SEMA3A: variants seen among roughly 807,000 people sequenced by gnomAD.
The protein encoded by SEMA3A is semaphorin 3A.
A neutral mutation model predicts 97.9 loss-of-function variants in SEMA3A; 29 were observed. The observed-to-expected ratio is 0.30, with a 90% CI of 0.22 to 0.40. The LOEUF (loss-of-function observed/expected upper bound fraction) is 0.40. Among genes scored for constraint, SEMA3A ranks in the 10% least tolerant of loss-of-function variants. The pLI, the probability that SEMA3A is intolerant of heterozygous loss-of-function variation, is 1.00. For synonymous variants in SEMA3A, 321 were observed against 323.7 expected (o/e 0.99, Z 0.09); for missense variants, 763 against 951.3 (o/e 0.80, Z 2.60).
chr7:84,180,631 T>C (rs561487623), intron 1 of SEMA3A, among the ~76,000 whole-genome samples: 7 of 152,180 alleles, frequency 4.6e-5, no homozygotes, highest in African/African-American at 1.7e-4. Context: ...GAAGTTGCAG[T>C]GAGCCAAGAT....
intron 1 of SEMA3A, among the ~76,000 whole-genome samples, chr7:84,376,808 T>C (rs965790129): frequency 6.6e-6 from 1 of 152,080 alleles, no homozygotes; most frequent in African/African-American, 2.4e-5. Flanking sequence ...TTTTGAGAAA[T>C]GTCAATTCAG....
At chr7:84,048,045 G>C (rs1792428285) in intron 5 of SEMA3A, among the ~76,000 whole-genome samples, 2 of 151,900 alleles carry the variant, frequency 1.3e-5, no homozygotes, top group Non-Finnish European at 2.9e-5. Flanking sequence ...ATCTTATCTT[G>C]AAAACTGAGT....
At chr7:84,455,741 A>G (rs927291059) in intron 1 of SEMA3A, among the ~76,000 whole-genome samples, 1 of 152,044 alleles carries the variant, frequency 6.6e-6, no homozygotes, top group Admixed American at 6.5e-5. Context: ...TCTTAAATTC[A>G]TAACTGTAAA....
intron 1 of SEMA3A, among the ~76,000 whole-genome samples, chr7:84,389,510 T>C (rs900775350): frequency 9.9e-5 from 15 of 152,088 alleles, no homozygotes; most frequent in Admixed American, 7.9e-4. Context: ...CTGAGTAGTG[T>C]AGTCCACGCT....
intron 12 of SEMA3A, among the ~76,000 whole-genome samples, chr7:84,000,527 C>T (rs969537385): frequency 4.6e-5 from 7 of 152,060 alleles, no homozygotes; most frequent in South Asian, 2.1e-4. Context: ...GCTAAGTACT[C>T]GTTACTGTCT....
chr7:84,066,151 C>G (rs1336861625), intron 4 of SEMA3A, among the ~76,000 whole-genome samples: 5 of 151,720 alleles, frequency 3.3e-5, no homozygotes, highest in South Asian at 2.1e-4. Context: ...AGCATATAAA[C>G]AGAGCCAAAG....
chr7:84,397,313 A>T (rs615880), intron 1 of SEMA3A, among the ~76,000 whole-genome samples: 17,359 of 151,166 alleles, frequency 0.11, 1,870 homozygotes, highest in African/African-American at 0.27. Context: ...ATTTTACTTA[A>T]AATTATCTTT....
intron 12 of SEMA3A, among the ~76,000 whole-genome samples, chr7:83,995,968 T>C (rs539735059): frequency 4.6e-5 from 7 of 152,340 alleles, no homozygotes; most frequent in Non-Finnish European, 8.8e-5. Flanking sequence ...CAGCTGTTCA[T>C]GGAATACTGC....
chr7:84,186,788 G>A (rs1009282262), intron 1 of SEMA3A, among the ~76,000 whole-genome samples: 1 of 151,008 alleles, frequency 6.6e-6, no homozygotes, highest in African/African-American at 2.4e-5. Context: ...AACGAACATT[G>A]TAAGTTCATT....
In SEMA3A at chr7:84,091,135, A is replaced by AGAAGGAAG. The variant is rs1272289412; in HGVS notation, c.453+19327_453+19334dup. Among the ~76,000 whole-genome samples, 23 of 50,976 alleles carry AGAAGGAAG rather than the reference A, an allele frequency of 4.5e-4. 1 individual carries two copies. The highest frequency in any genetic ancestry group is 1.2e-3 in the East Asian group (2 of 1,672). 33.4% of individuals were successfully genotyped at this position (50,976 alleles called of 152,430 possible). On this transcript the variant is annotated intron_variant, in intron 4 of 16. Transcript: ENST00000265362. ...GAAAGAAAGAAAAAGAAAGAAAGAAAGAAGGAAGGAAGGAAGGAAGGAAGG... is the reference window on the plus strand; with the variant it reads ...GAAAGAAAGAAAAAGAAAGAAAGAAAGAAGGAAGGAAGGAAGGAAGGAAGGAAGGAAGG...
intron 1 of SEMA3A, among the ~76,000 whole-genome samples, chr7:84,398,016 C>G (rs1403396235): frequency 6.6e-6 from 1 of 152,106 alleles, no homozygotes; most frequent in Non-Finnish European, 1.5e-5. Context: ...TGATTTATTT[C>G]TTATTTGATT....
At chr7:84,401,146 G>A (rs2116209704) in intron 1 of SEMA3A, among the ~76,000 whole-genome samples, 2 of 152,116 alleles carry the variant, frequency 1.3e-5, no homozygotes, top group South Asian at 4.2e-4. Context: ...AGACTGTTAT[G>A]GCTGATAAAT....
chr7:84,203,952 A>G (rs1798424028), intron 3 of SEMA3A, among the ~76,000 whole-genome samples: 2 of 152,124 alleles, frequency 1.3e-5, no homozygotes, highest in African/African-American at 2.4e-5. Context: ...ATAGTTCACA[A>G]AACAAAATAT....
chr7:84,059,817 T>A (rs1163034267), intron 5 of SEMA3A, among the ~76,000 whole-genome samples: 1 of 152,050 alleles, frequency 6.6e-6, no homozygotes, highest in Non-Finnish European at 1.5e-5. Context: ...ATAAAAAATT[T>A]AAAAATTGCT....
chr7:84,090,280 CA>C (rs1229214630), intron 4 of SEMA3A, among the ~76,000 whole-genome samples: 2 of 152,074 alleles, frequency 1.3e-5, no homozygotes, highest in Non-Finnish European at 2.9e-5. Context: ...TAGGAAAAAT[CA>C]GCATGTGTAT....
rs60380985 is a variant in SEMA3A at position 84,376,603 on chromosome 7, C to CAAAAA, written c.-245-4708_-245-4704dup. Reference sequence around the variant, plus strand: ...TGGGCGACAGAGCGAGACTCCGTCTCAAAAAAAAAAAAAAAAAAAAAAAAA... The same window carrying CAAAAA: ...TGGGCGACAGAGCGAGACTCCGTCTCAAAAAAAAAAAAAAAAAAAAAAAAAAAAAA... On this transcript the variant is annotated intron_variant, in intron 1 of 3. Transcript: ENST00000424555. Among the ~76,000 whole-genome samples the CAAAAA allele has an allele frequency of 4.3e-3, 158 of 36,418 alleles. 19 individuals are homozygous for CAAAAA. The highest frequency in any genetic ancestry group is 0.012 in the African/African-American group (126 of 10,126). The allele number at this position is 36,418 out of a possible 152,430, so 23.9% of individuals were successfully genotyped here.
chr7:84,284,025 T>C (rs1800520951), intron 3 of SEMA3A, among the ~76,000 whole-genome samples: 2 of 152,170 alleles, frequency 1.3e-5, no homozygotes, highest in South Asian at 4.1e-4. Context: ...AAATGCTAAG[T>C]CGCATACAAA....
intron 3 of SEMA3A, among the ~76,000 whole-genome samples, chr7:84,126,219 T>C (rs1265963051): frequency 6.6e-6 from 1 of 152,170 alleles, no homozygotes; most frequent in Non-Finnish European, 1.5e-5. Flanking sequence ...ATTTTACTTT[T>C]TTTTGAAACA....
chr7:84,000,156 C>T (rs769569500), intron 12 of SEMA3A, among the ~76,000 whole-genome samples: 6 of 152,040 alleles, frequency 3.9e-5, no homozygotes, highest in African/African-American at 7.2e-5. Flanking sequence ...AACATACATA[C>T]TCTATAGTGG....
Sources: allele counts gnomAD v4.1 joint callset (sites outside exome capture counted in the v4.1 genomes callset), GRCh38; gene constraint gnomAD v4.1.1; transcripts MANE v1.5; gene names NCBI Gene and HGNC (gene_info 2026-07-23, HGNC 2026-07-21).